CCDC171: variants seen among roughly 807,000 people sequenced by gnomAD.
CCDC171 encodes coiled-coil domain containing 171.
Under a neutral mutation model 168.2 loss-of-function variants are expected in CCDC171, and 177 were observed. That is an observed-to-expected ratio of 1.05 (90% CI 0.93 to 1.19). The LOEUF is 1.19. CCDC171 is among the 50% of genes most tolerant of loss of function. The probability of loss-of-function intolerance (pLI) is 0.00; values close to 1 mark genes in which losing one functional copy is unlikely to be tolerated. For synonymous variants in CCDC171, 687 were observed against 540.8 expected (o/e 1.27, Z -3.75); for missense variants, 1,991 against 1,539.0 (o/e 1.29, Z -4.91).
chr9:16,025,443 A>G (rs1237377097), intron 6 of CCDC171, among the ~76,000 whole-genome samples: 3 of 152,166 alleles, frequency 2.0e-5, no homozygotes, highest in Non-Finnish European at 4.4e-5. Flanking sequence ...TGGGTGACAG[A>G]GTGAGGCTTC....
chr9:16,011,832 T>C (rs1174735481), intron 3 of CCDC171, among the ~76,000 whole-genome samples: 1 of 152,176 alleles, frequency 6.6e-6, no homozygotes, highest in Non-Finnish European at 1.5e-5. Context: ...ATAAAACTTG[T>C]TTCCTTTCTC....
At chr9:15,892,286 C>G (rs765196793) in intron 24 of CCDC171, among the ~76,000 whole-genome samples, 6 of 152,074 alleles carry the variant, frequency 3.9e-5, no homozygotes, top group African/African-American at 1.4e-4. Context: ...TGCCAGTTGT[C>G]AAGGGGAATG....
chr9:15,611,310 T>G (rs115932710), intron 6 of CCDC171, among the ~76,000 whole-genome samples: 13 of 152,318 alleles, frequency 8.5e-5, no homozygotes, highest in Middle Eastern at 3.4e-3. Context: ...CATATTTCTT[T>G]ATAGCCATGC....
At chr9:15,764,829 A>G (rs2056636813) in intron 18 of CCDC171, among the ~76,000 whole-genome samples, 2 of 152,168 alleles carry the variant, frequency 1.3e-5, no homozygotes, top group African/African-American at 2.4e-5. Context: ...GAGCTTTTTA[A>G]AAATAGTGAA....
chr9:15,657,343 A>C (rs772860914), intron 8 of CCDC171, 124 bp downstream of exon 8: 16 of 593,216 alleles, frequency 2.7e-5, no homozygotes, highest in Non-Finnish European at 5.0e-5. Context: ...TTGTTATGAC[A>C]CTCATTATTG....
chr9:16,041,240 A>G (rs1833566820), upstream of CCDC171, among the ~76,000 whole-genome samples: 1 of 152,196 alleles, frequency 6.6e-6, no homozygotes, highest in African/African-American at 2.4e-5. Flanking sequence ...TTCATGGAAG[A>G]AGTGGAGGTT....
Position 15,653,160 on chromosome 9 carries a change from C to T in CCDC171, c.823-3967C>T, listed in dbSNP as rs540262621. 4.0e-5 allele frequency among the ~76,000 whole-genome samples: 6 copies of T among 151,730 alleles called. No homozygotes were observed. The South Asian group carries it at 1.2e-3, about 32-fold the overall frequency. ...AAAATATATACCTATATATTTTTAG[C>T]TGGGGTCTCGTTCCTCTTGCCTAGG... On this transcript the variant is annotated intron_variant, in intron 7 of 25. Coordinates refer to ENST00000380701, the MANE Select transcript of CCDC171 (RefSeq NM_173550.4).
chr9:16,006,797 T>G (rs1433944643), intron 3 of CCDC171, among the ~76,000 whole-genome samples: 3 of 152,216 alleles, frequency 2.0e-5, no homozygotes, highest in Non-Finnish European at 2.9e-5. Flanking sequence ...TTCCATGGTG[T>G]GTATGTGCCA....
downstream of CCDC171, among the ~76,000 whole-genome samples, chr9:16,065,986 GA>G: frequency 6.6e-6 from 1 of 152,156 alleles, no homozygotes; most frequent in Non-Finnish European, 1.5e-5. Flanking sequence ...CACAAGATGA[GA>G]AAGAGATAAT....
chr9:16,079,350 C>T, the CCDC171 span, among the ~76,000 whole-genome samples: 1 of 152,194 alleles, frequency 6.6e-6, no homozygotes, highest in Non-Finnish European at 1.5e-5. Flanking sequence ...AGGGTCTTCA[C>T]AGACAAAATC....
intron 25 of CCDC171, among the ~76,000 whole-genome samples, chr9:15,932,122 C>T (rs571494642): frequency 6.6e-6 from 1 of 151,806 alleles, no homozygotes; most frequent in South Asian, 2.1e-4. Flanking sequence ...TGAATTTTAG[C>T]ACTTTTTTTT....
intron 3 of CCDC171, among the ~76,000 whole-genome samples, chr9:15,574,066 A>G (rs542044873): frequency 2.6e-5 from 4 of 152,252 alleles, no homozygotes; most frequent in Non-Finnish European, 5.9e-5. Context: ...TTTTCTTAAA[A>G]CAGGAAATTA....
intron 16 of CCDC171, among the ~76,000 whole-genome samples, chr9:15,743,138 CTTTTTTTTTTTTTTTTTTTTTTTTTTT>C (rs66642691): frequency 2.7e-4 from 20 of 73,264 alleles, no homozygotes; most frequent in African/African-American, 6.8e-4. Flanking sequence ...CTGTTACCTT[CTTTTTTTTTTTTTTTTTTTTTTTTTTT>C]TTTTTTTTTT....
the CCDC171 span, among the ~76,000 whole-genome samples, chr9:16,094,100 G>A: frequency 6.6e-6 from 1 of 152,196 alleles, no homozygotes; most frequent in African/African-American, 2.4e-5. Flanking sequence ...TAAGCAGTGT[G>A]GGGAGAGAGG....
intron 21 of CCDC171, among the ~76,000 whole-genome samples, chr9:15,800,236 G>C (rs1242332813): frequency 1.3e-5 from 2 of 152,046 alleles, no homozygotes; most frequent in Admixed American, 1.3e-4. Context: ...CCCACCAACA[G>C]CATACAAAGG....
intron 1 of CCDC171, among the ~76,000 whole-genome samples, chr9:16,044,394 T>G (rs929902892): frequency 1.3e-5 from 2 of 152,012 alleles, no homozygotes; most frequent in African/African-American, 4.8e-5. Flanking sequence ...ATATACTAGG[T>G]TTTTTTTCTT....
chr9:16,105,953 G>C, the CCDC171 span, among the ~76,000 whole-genome samples: 2 of 152,216 alleles, frequency 1.3e-5, no homozygotes, highest in African/African-American at 4.8e-5. Flanking sequence ...CTGGCAGGCA[G>C]GGCATCCATT....
chr9:15,632,315 C>T (rs2045784895), intron 7 of CCDC171, among the ~76,000 whole-genome samples: 1 of 151,898 alleles, frequency 6.6e-6, no homozygotes, highest in Non-Finnish European at 1.5e-5. Context: ...TAAGCAACTT[C>T]AGCAAAGTCT....
At chr9:15,831,485 G>A (rs2060231911) in intron 21 of CCDC171, among the ~76,000 whole-genome samples, 1 of 152,090 alleles carries the variant, frequency 6.6e-6, no homozygotes, top group Non-Finnish European at 1.5e-5. Flanking sequence ...AAGCTTACTG[G>A]TATTTTTTCT....
Sources: allele counts gnomAD v4.1 joint callset (sites outside exome capture counted in the v4.1 genomes callset), GRCh38; gene constraint gnomAD v4.1.1; transcripts MANE v1.5; gene names NCBI Gene and HGNC (gene_info 2026-07-23, HGNC 2026-07-21).